Variants in RAD54L2 observed in about 807,000 individuals in gnomAD.
RAD54L2 encodes the protein helicase ARIP4.
A neutral mutation model predicts 138.4 loss-of-function variants in RAD54L2; 27 were observed. The ratio of observed to expected loss-of-function variants is 0.20; its 90% CI spans 0.14 to 0.27. RAD54L2 has a LOEUF of 0.27. Among genes scored for constraint, RAD54L2 ranks in the 10% least tolerant of loss-of-function variants. RAD54L2 has a pLI of 1.00. For synonymous variants in RAD54L2, 644 were observed against 723.2 expected, an observed-to-expected ratio of 0.89 and a Z score of 1.76; for missense variants, 1,396 against 1,890.2, an observed-to-expected ratio of 0.74 and a Z score of 4.85.
intron 19 of RAD54L2, among the ~76,000 whole-genome samples, chr3:51,652,183 A>G (rs558594420): frequency 3.4e-3 from 512 of 152,308 alleles, no homozygotes; most frequent in Admixed American, 5.4e-3. Flanking sequence ...CCCATTCACA[A>G]TTGCTTCAAA....
intron 3 of RAD54L2, among the ~76,000 whole-genome samples, chr3:51,611,020 C>T (rs1361581637): frequency 6.6e-6 from 1 of 152,178 alleles, no homozygotes; most frequent in African/African-American, 2.4e-5. Context: ...CCATGTTTTA[C>T]TCATACTTTG....
chr3:51,579,274 T>C (rs1699556181), intron 2 of RAD54L2, among the ~76,000 whole-genome samples: 1 of 150,066 alleles, frequency 6.7e-6, no homozygotes, highest in Admixed American at 6.7e-5. Context: ...TTTTTATGGG[T>C]GCAGGATGGG....
chr3:51,574,001 C>T (rs944061010), intron 2 of RAD54L2, among the ~76,000 whole-genome samples: 6 of 132,114 alleles, frequency 4.5e-5, no homozygotes, highest in Non-Finnish European at 9.6e-5. Flanking sequence ...CCCCCCACCC[C>T]CACCCCACAA....
At chr3:51,648,529 G>A (rs1226055663) in intron 19 of RAD54L2, among the ~76,000 whole-genome samples, 1 of 152,210 alleles carries the variant, frequency 6.6e-6, no homozygotes, top group Admixed American at 6.5e-5. Flanking sequence ...TAGCCTAACT[G>A]GGAGACACTT....
chr3:51,632,289 CTGT>C (rs551445567), intron 7 of RAD54L2, among the ~76,000 whole-genome samples: 23 of 151,984 alleles, frequency 1.5e-4, no homozygotes, highest in African/African-American at 3.1e-4. Flanking sequence ...AAAAACTCTT[CTGT>C]TGTTGTTGTT....
rs79443431 is a variant in RAD54L2 at position 51,667,169 on chromosome 3, C to CTT, written c.*3762_*3763dup. ...GATATTACCTTCTGCTTCCCACTTC[C>CTT]TTTTTTTTTTTTTTGAGACAGAGTC... On this transcript the variant is annotated 3_prime_UTR_variant, in exon 23 of 23. Coordinates refer to ENST00000684192, the MANE Select transcript of RAD54L2 (RefSeq NM_015106.4). 6 of 142,990 alleles carry CTT rather than the reference C, an allele frequency of 4.2e-5. No individual in the cohort carries two copies. Among genetic ancestry groups the CTT allele is most frequent in the Admixed American group, 7.0e-5 (1 of 14,240 alleles). 8.9% of individuals were successfully genotyped at this position (142,990 alleles called of 1,614,324 possible). A position where few individuals can be genotyped will look rare whatever the true frequency, so the allele number is the denominator to read the frequency against.
rs1319086898 is a variant in RAD54L2, at chr3:51,645,121, G to T, written c.2548G>T (p.Val850Leu). 6.2e-7 allele frequency: 1 copy of T among 1,613,974 alleles called. No individual in the cohort carries two copies. The highest frequency in any genetic ancestry group is 8.5e-7 in the Non-Finnish European group (1 of 1,179,880). The change falls in exon 17 of 23, where the codon GTA (valine) becomes TTA (leucine). Residue 850 changes from valine to leucine, a missense_variant. By Grantham distance (32) the Val-to-Leu change is conservative. Around this residue, in one of 7 missense-constraint regions of RAD54L2, gnomAD observed 78 missense variants for 171.6 expected, o/e 0.45. Coordinates refer to ENST00000684192, the MANE Select transcript of RAD54L2 (RefSeq NM_015106.4). The surrounding 1 kb of genome is among the most constrained non-coding windows in gnomAD (Gnocchi z 6.1). ...CCATGATGCCCAGGCAGTATGTCGG[G>T]TATACCGTTATGGCCAGAAAAAGCC... ...PCHDAQAVCR[V>L]YRYGQKKPCY...
In RAD54L2 at chr3:51,610,639, CAA is replaced by C. The variant is rs538225499; in HGVS notation, c.140-16897_140-16896del. Among the ~76,000 whole-genome samples, 145 of 59,050 alleles carry C rather than the reference CAA, an allele frequency of 2.5e-3. 1 individual carries two copies. Among genetic ancestry groups the C allele is most frequent in the African/African-American group, 8.2e-3 (133 of 16,302 alleles). The allele number at this position is 59,050 out of a possible 152,430, so 38.7% of individuals were successfully genotyped here. On this transcript the variant is annotated intron_variant, in intron 3 of 22. Transcript: ENST00000684192. ...GGGTGACAAAAGCAAGACTCCATCT[CAA>C]AAAAAAAAAAAAAAAACAGAAAGAA... is the stretch of plus-strand genomic sequence containing the variant.
Position 51,604,430 on chromosome 3 carries a change from C to A in RAD54L2, c.139+13871C>A, listed in dbSNP as rs533933782. On this transcript the variant is annotated intron_variant, in intron 3 of 22. Coordinates refer to ENST00000684192, the MANE Select transcript of RAD54L2 (RefSeq NM_015106.4). The stretch of plus-strand genomic sequence containing the variant: ...ACCAAGGTATAGTACATGTGTGGAT[C>A]TGAACTCTCTATTTTGTTCCCACAT... Among the ~76,000 whole-genome samples, 131 of 152,208 alleles carry A rather than the reference C, an allele frequency of 8.6e-4. 1 individual carries two copies. The highest frequency in any genetic ancestry group is 7.2e-4 in the Non-Finnish European group (49 of 67,998).
chr3:51,548,434 T>C (rs545438652), intron 2 of RAD54L2, among the ~76,000 whole-genome samples: 1 of 152,304 alleles, frequency 6.6e-6, no homozygotes, highest in South Asian at 2.1e-4. Context: ...GTGATCCGCC[T>C]GCCTTCGCCT....
intron 20 of RAD54L2, among the ~76,000 whole-genome samples, chr3:51,656,781 G>A (rs1701611470): frequency 6.6e-6 from 1 of 151,174 alleles, no homozygotes; most frequent in African/African-American, 2.4e-5. Flanking sequence ...ACAGAGTCTT[G>A]CTTTGTCACT....
rs1701145328 is a variant in RAD54L2 at position 51,641,859 on chromosome 3, G to C, written c.2342G>C (p.Ser781Thr). Residue 781 changes from serine (S) to threonine (T), a missense_variant, in exon 15 of 23, where the codon AGC becomes ACC. By Grantham distance (58) the Ser-to-Thr change is moderately conservative. This residue lies in a region of RAD54L2 where 211 missense variants were observed against 273.8 expected (regional missense o/e 0.77). Transcript: ENST00000684192. ...QGAQKWVRNI[S>T]YFRLDGSTPA... ...GCACAGAAGTGGGTTCGAAACATCA[G>C]CTACTTCCGTGAGTTCATTGTTGCG... 1 of 1,579,918 alleles carries C rather than the reference G, an allele frequency of 6.3e-7. No individual in the cohort carries two copies. The highest frequency in any genetic ancestry group is 8.6e-7 in the Non-Finnish European group (1 of 1,161,504).
chr3:51,585,886 C>T (rs1459142024), intron 2 of RAD54L2, among the ~76,000 whole-genome samples: 1 of 152,186 alleles, frequency 6.6e-6, no homozygotes, highest in Non-Finnish European at 1.5e-5. Flanking sequence ...TAAGGTGCAG[C>T]ATACCCATTA....
At chr3:51,600,733 A>G (rs960041076) in intron 3 of RAD54L2, among the ~76,000 whole-genome samples, 1 of 152,166 alleles carries the variant, frequency 6.6e-6, no homozygotes, top group Non-Finnish European at 1.5e-5. Context: ...TTGGGAGGCC[A>G]AGGCGCATAG....
intron 3 of RAD54L2, among the ~76,000 whole-genome samples, chr3:51,609,992 C>T (rs923384373): frequency 4.8e-4 from 73 of 151,064 alleles, no homozygotes; most frequent in African/African-American, 1.4e-3. Context: ...AAAAATTAGC[C>T]GGGCGTGGCG....
chr3:51,630,421 G>A lies in RAD54L2; in HGVS notation c.598+33G>A, dbSNP rs550712292. ...CAAACCAGGTGCCTCCCTTTCTTCC[G>A]ACCTGGTGTTCATGCTGAGATCGGC... On this transcript the variant is annotated intron_variant, in intron 6 of 22. Transcript: ENST00000684192. 1.4e-5 allele frequency: 22 copies of A among 1,563,940 alleles called. No individual in the cohort carries two copies. In the East Asian group the frequency reaches 2.0e-4, roughly 14 times the overall value.
chr3:51,579,953 CA>C (rs1699569503), intron 2 of RAD54L2, among the ~76,000 whole-genome samples: 3 of 152,126 alleles, frequency 2.0e-5, no homozygotes, highest in Non-Finnish European at 4.4e-5. Flanking sequence ...ATCACTTCTC[CA>C]AACAGCACCA....
rs774523001 is a variant in RAD54L2, at chr3:51,638,298, A to C, written c.1837A>C (p.Lys613Gln). Residue 613 changes from lysine (K) to glutamine (Q), a missense_variant, in exon 12 of 23, where the codon AAG becomes CAG. Physicochemically the swap from Lys to Gln is moderately conservative, Grantham distance 53. Transcript: ENST00000684192. This position sits in a 1 kb window ranked among gnomAD's most constrained non-coding sequence, Gnocchi z 4.3. ...CGGTTGGCTGGGGCTGAACCCCCTT[A>C]AGGCATTCTGTGTGTGTTGCAAGGT... is the stretch of plus-strand genomic sequence containing the variant. Reference protein sequence around the residue: ...SSGWLGLNPLKAFCVCCKIWN... With the variant: ...SSGWLGLNPLQAFCVCCKIWN... 6.2e-7 allele frequency: 1 copy of C among 1,613,738 alleles called. No homozygotes were observed. The highest frequency in any genetic ancestry group is 8.5e-7 in the Non-Finnish European group (1 of 1,179,878).
At chr3:51,562,544 T>A (rs1055211600) in intron 2 of RAD54L2, among the ~76,000 whole-genome samples, 5 of 152,194 alleles carry the variant, frequency 3.3e-5, no homozygotes, top group Admixed American at 6.5e-5. Context: ...TTTGTATTTT[T>A]AGTACAGACA....
Sources: gnomAD v4.1 joint callset for allele counts (sites outside exome capture counted in the v4.1 genomes callset) on GRCh38, gnomAD v4.1.1 for gene constraint, gnomAD v4.1.1 regional missense constraint, Gnocchi (gnomAD v3.1) non-coding constraint, MANE v1.5 for transcripts, NCBI Gene and HGNC (gene_info 2026-07-23, HGNC 2026-07-21) for gene names.